XKR4: variants seen among roughly 807,000 people sequenced by gnomAD.
XKR4 encodes the protein XK related 4, also known as XK-related protein 4.
Under a neutral mutation model 53.9 loss-of-function variants are expected in XKR4, and 12 were observed. The ratio of observed to expected loss-of-function variants is 0.22; its 90% CI spans 0.14 to 0.36. The LOEUF (loss-of-function observed/expected upper bound fraction) is 0.36, where lower values mean the gene tolerates loss of function less well. XKR4 is among the 10% of genes least tolerant of loss of function. The pLI, the probability that XKR4 is intolerant of heterozygous loss-of-function variation, is 1.00. For missense variants in XKR4, 799 were observed against 859.5 expected, an observed-to-expected ratio of 0.93 and a Z score of 0.88; for synonymous variants, 354 against 362.4, an observed-to-expected ratio of 0.98 and a Z score of 0.26.
rs1468008545 is a variant in XKR4 at position 55,524,482 on chromosome 8, C to T, written c.*255C>T. ...GACTCTCCATTGCTACCAAACTCCT[C>T]CTGCACGGTCTTGGGTGCACCCACC... is the stretch of plus-strand genomic sequence containing the variant. On this transcript the variant is annotated 3_prime_UTR_variant, in exon 3 of 3. Coordinates refer to ENST00000327381, the MANE Select transcript of XKR4 (RefSeq NM_052898.2). 1.9e-6 allele frequency: 1 copy of T among 523,948 alleles called. No individual in the cohort carries two copies. Among genetic ancestry groups the T allele is most frequent in the African/African-American group, 1.9e-5 (1 of 52,856 alleles). 32.5% of individuals were successfully genotyped at this position (523,948 alleles called of 1,614,324 possible).
intron 2 of XKR4, among the ~76,000 whole-genome samples, chr8:55,429,851 A>G (rs966379924): frequency 3.9e-5 from 6 of 152,344 alleles, no homozygotes; most frequent in African/African-American, 1.4e-4. Context: ...AACAAGCTAT[A>G]CTACAGACTG....
chr8:55,171,764 T>C (rs1817161643), intron 1 of XKR4, among the ~76,000 whole-genome samples: 1 of 152,020 alleles, frequency 6.6e-6, no homozygotes, highest in Non-Finnish European at 1.5e-5. Flanking sequence ...GACAGCCTGG[T>C]CATAAGCCAA....
At chr8:55,311,336 C>G (rs1819385081) in intron 1 of XKR4, among the ~76,000 whole-genome samples, 1 of 152,192 alleles carries the variant, frequency 6.6e-6, no homozygotes, top group Admixed American at 6.5e-5. Context: ...CCTGGAGTGT[C>G]AGAGAGGGGC....
Position 55,152,643 on chromosome 8 carries a change from A to T in XKR4, c.806+49349A>T, listed in dbSNP as rs190771310. 2.0e-5 allele frequency among the ~76,000 whole-genome samples: 3 copies of T among 148,932 alleles called. No individual in the cohort carries two copies. In the East Asian group the frequency reaches 5.9e-4, roughly 29 times the overall value. On this transcript the variant is annotated intron_variant, in intron 1 of 2. Transcript: ENST00000327381. ...GCAATGGTACTCATCCAAACAAAAA[A>T]TGAGAAAAGCTGATAATACTAATGC... is the stretch of plus-strand genomic sequence containing the variant.
rs796135629 is a variant in XKR4, at chr8:55,128,661, G to GA, written c.806+25374dup. On this transcript the variant is annotated intron_variant, in intron 1 of 2. Transcript: ENST00000327381. Reference sequence around the variant, plus strand: ...TGTTTAAACTCATTTAAACATGTCGGAAAAAAACACAAAAACCAGCAAACC... The same window carrying GA: ...TGTTTAAACTCATTTAAACATGTCGGAAAAAAAACACAAAAACCAGCAAACC... Among the ~76,000 whole-genome samples the GA allele has an allele frequency of 1.1e-3, 174 of 152,260 alleles. 1 individual carries two copies. Among genetic ancestry groups the GA allele is most frequent in the African/African-American group, 4.0e-3 (166 of 41,546 alleles).
chr8:55,191,800 CAGA>C (rs1445264855), intron 1 of XKR4, among the ~76,000 whole-genome samples: 3 of 151,026 alleles, frequency 2.0e-5, no homozygotes, highest in African/African-American at 7.3e-5. Context: ...GACAAAGAAT[CAGA>C]AGAACATTCC....
chr8:55,205,569 A>T (rs1683446090), intron 1 of XKR4, among the ~76,000 whole-genome samples: 1 of 152,246 alleles, frequency 6.6e-6, no homozygotes. Context: ...ACATCTTTTT[A>T]AAAAACTAAT....
At chr8:55,194,969 C>T (rs1817485113) in intron 1 of XKR4, among the ~76,000 whole-genome samples, 1 of 152,132 alleles carries the variant, frequency 6.6e-6, no homozygotes, top group African/African-American at 2.4e-5. Flanking sequence ...GTCTACGTGA[C>T]TGGGAACGTA....
chr8:55,172,872 G>A (rs16921306), intron 1 of XKR4, among the ~76,000 whole-genome samples: 4,402 of 152,232 alleles, frequency 0.029, 170 homozygotes, highest in East Asian at 0.12. Flanking sequence ...AGAGCTAGAC[G>A]TATGACCCCT....
At chr8:55,333,038 A>C (rs548767828) in intron 1 of XKR4, among the ~76,000 whole-genome samples, 1 of 150,720 alleles carries the variant, frequency 6.6e-6, no homozygotes, top group South Asian at 2.1e-4. Context: ...CAATTCATTT[A>C]TTATATTTTT....
At position 55,523,748 on chromosome 8, in the gene XKR4, C is replaced by A; in HGVS notation, c.1474C>A (p.Leu492Met). 1 of 1,614,184 alleles carries A rather than the reference C, an allele frequency of 6.2e-7. No homozygotes were observed. The highest frequency in any genetic ancestry group is 1.1e-5 in the South Asian group (1 of 91,082). The change falls in exon 3 of 3, where the codon CTG becomes ATG. Residue 492 changes from leucine (L) to methionine (M), a missense_variant. By Grantham distance (15) the Leu-to-Met change is conservative. Around this residue, in one of 3 missense-constraint regions of XKR4, gnomAD observed 269 missense variants for 264.4 expected, o/e 1.02. Coordinates refer to ENST00000327381, the MANE Select transcript of XKR4 (RefSeq NM_052898.2). ...TGCAGACGCATTTGCCATTCCAGCG[C>A]TGTGTGTGGTGTTCAGCAGCTTTTT... ...QIADAFAIPA[L>M]CVVFSSFLTG...
At chr8:55,185,520 G>A (rs919194176) in intron 1 of XKR4, among the ~76,000 whole-genome samples, 3 of 152,084 alleles carry the variant, frequency 2.0e-5, no homozygotes, top group Non-Finnish European at 4.4e-5. Context: ...CTAATAAAAG[G>A]CCTTCTTGCT....
In XKR4 at chr8:55,523,978, G is replaced by A. The variant is rs757687196; in HGVS notation, c.1704G>A (p.Gly568=). The change falls in exon 3 of 3, where the codon GGG becomes GGA. Residue 568 remains glycine (G), a synonymous_variant. Transcript: ENST00000327381. The part of the protein sequence containing the change: ...DRDQKFAERD[G]CVPVFQVRPT... ...ATCAGAAATTCGCAGAGCGGGATGG[G>A]TGTGTACCTGTCTTTCAAGTGAGGC... 6 of 1,614,144 alleles carry A rather than the reference G, an allele frequency of 3.7e-6. No individual in the cohort carries two copies. In the East Asian group the frequency reaches 8.9e-5, roughly 24 times the overall value.
intron 2 of XKR4, among the ~76,000 whole-genome samples, chr8:55,510,191 T>C (rs1295521251): frequency 6.6e-6 from 1 of 151,600 alleles, no homozygotes; most frequent in East Asian, 2.0e-4. Flanking sequence ...GCAGAGAGGA[T>C]GGAAAGGGAC....
chr8:55,193,693 T>C (rs1484157070), intron 1 of XKR4, among the ~76,000 whole-genome samples: 1 of 152,172 alleles, frequency 6.6e-6, no homozygotes, highest in Non-Finnish European at 1.5e-5. Flanking sequence ...TCTGAAGCAA[T>C]ACAGGAGAGA....
intron 1 of XKR4, among the ~76,000 whole-genome samples, chr8:55,357,261 GT>G (rs1563331747): frequency 4.6e-5 from 7 of 152,280 alleles, no homozygotes; most frequent in African/African-American, 1.7e-4. Flanking sequence ...GCATAAGAAG[GT>G]TTATATGCAC....
At chr8:55,199,380 T>C (rs1288974561) in intron 1 of XKR4, among the ~76,000 whole-genome samples, 1 of 152,218 alleles carries the variant, frequency 6.6e-6, no homozygotes, top group Non-Finnish European at 1.5e-5. Context: ...AGTTCATAGA[T>C]AATTGTTAGT....
At chr8:55,441,262 A>G (rs1292996185) in intron 2 of XKR4, among the ~76,000 whole-genome samples, 1 of 152,004 alleles carries the variant, frequency 6.6e-6, no homozygotes, top group Non-Finnish European at 1.5e-5. Flanking sequence ...AAAAAAATAA[A>G]GTACAGCACA....
intron 1 of XKR4, chr8:55,139,963 T>C (rs1055654315): frequency 4.2e-6 from 1 of 235,694 alleles, no homozygotes; most frequent in African/African-American, 2.3e-5. Flanking sequence ...ATGTAATTAA[T>C]ATATTTACAA....
Sources: gnomAD v4.1 joint callset for allele counts (sites outside exome capture counted in the v4.1 genomes callset) on GRCh38, gnomAD v4.1.1 for gene constraint, gnomAD v4.1.1 regional missense constraint, MANE v1.5 for transcripts, NCBI Gene and HGNC (gene_info 2026-07-23, HGNC 2026-07-21) for gene names.